The following TUSC3 variants were observed in gnomAD, a reference collection of about 807,000 sequenced individuals.
TUSC3 encodes the protein dolichyl-diphosphooligosaccharide--protein glycosyltransferase subunit TUSC3.
TUSC3 carries 45 observed loss-of-function variants against 44.8 expected under a neutral mutation model. That is an observed-to-expected ratio of 1.00 (90% CI 0.79 to 1.29). The LOEUF is 1.29. Ranked by LOEUF, TUSC3 falls within the 50% of genes most tolerant of loss-of-function variation. The pLI is 0.00. For missense variants in TUSC3, 519 were observed against 437.9 expected (o/e 1.19, Z -1.65); for synonymous variants, 212 against 152.9 (o/e 1.39, Z -2.85).
At chr8:15,540,592 C>A (rs1801649420) in intron 1 of TUSC3, 24 bp downstream of exon 1, 2 of 1,528,122 alleles carry the variant, frequency 1.3e-6, no homozygotes, top group Non-Finnish European at 1.8e-6. Flanking sequence ...CCTTGGCCTT[C>A]CCCTGTGGGC....
intron 6 of TUSC3, among the ~76,000 whole-genome samples, chr8:15,713,662 C>T (rs576966835): frequency 6.6e-6 from 1 of 152,012 alleles, no homozygotes; most frequent in African/African-American, 2.4e-5. Context: ...TCCTCCCTCA[C>T]TCTTCCCATG....
chr8:15,626,762 T>C (rs568772451), intron 2 of TUSC3, among the ~76,000 whole-genome samples: 2 of 152,332 alleles, frequency 1.3e-5, no homozygotes, highest in East Asian at 3.9e-4. Context: ...AGAGCTGACA[T>C]GCCAGCCCCC....
intron 1 of TUSC3, among the ~76,000 whole-genome samples, chr8:15,592,123 C>T (rs1803868425): frequency 6.6e-6 from 1 of 152,158 alleles, no homozygotes. Flanking sequence ...AAGGTAATGG[C>T]AGATACTTCC....
At chr8:15,478,933 G>C (rs1006897883) in intron 1 of TUSC3, among the ~76,000 whole-genome samples, 1 of 151,806 alleles carries the variant, frequency 6.6e-6, no homozygotes, top group Non-Finnish European at 1.5e-5. Context: ...CCACAGCCTC[G>C]CCAGCAACTG....
At chr8:15,851,413 T>C in the TUSC3 span, among the ~76,000 whole-genome samples, 2 of 152,174 alleles carry the variant, frequency 1.3e-5, no homozygotes, top group South Asian at 2.1e-4. Context: ...CAAATATTTA[T>C]TGAGCAACTT....
chr8:15,446,320 C>G (rs1282185492), intron 1 of TUSC3, among the ~76,000 whole-genome samples: 1 of 151,960 alleles, frequency 6.6e-6, no homozygotes, highest in Non-Finnish European at 1.5e-5. Context: ...ACTTCCCAGA[C>G]GGGGTGGCGG....
At chr8:15,498,713 C>T (rs554702141) in intron 2 of TUSC3, among the ~76,000 whole-genome samples, 6 of 152,118 alleles carry the variant, frequency 3.9e-5, no homozygotes, top group Admixed American at 1.3e-4. Flanking sequence ...CTGGTTTGTT[C>T]GAATGCATTC....
At chr8:15,531,036 C>G (rs1236942500) in intron 2 of TUSC3, among the ~76,000 whole-genome samples, 1 of 152,118 alleles carries the variant, frequency 6.6e-6, no homozygotes, top group Non-Finnish European at 1.5e-5. Context: ...GTGTATAACT[C>G]CAGTAAACAC....
intron 1 of TUSC3, among the ~76,000 whole-genome samples, chr8:15,566,465 T>G (rs889537949): frequency 2.0e-5 from 3 of 152,146 alleles, no homozygotes; most frequent in African/African-American, 7.2e-5. Flanking sequence ...TTAAAGATTT[T>G]TGTCACATGG....
downstream of TUSC3, among the ~76,000 whole-genome samples, chr8:15,766,880 T>C (rs1320535679): frequency 1.3e-5 from 2 of 152,090 alleles, no homozygotes; most frequent in East Asian, 1.9e-4. Flanking sequence ...ACATTAAACA[T>C]TGTGTTTTAA....
the TUSC3 span, among the ~76,000 whole-genome samples, chr8:15,850,385 A>G: frequency 5.9e-4 from 90 of 152,266 alleles, no homozygotes; most frequent in Admixed American, 5.4e-3. Context: ...GGCTATTCCA[A>G]TTTAGTTATA....
At chr8:15,459,585 G>A (rs1800312818) in intron 1 of TUSC3, among the ~76,000 whole-genome samples, 1 of 152,010 alleles carries the variant, frequency 6.6e-6, no homozygotes, top group Non-Finnish European at 1.5e-5. Context: ...AGTATACACT[G>A]CACCCTATTT....
At chr8:15,436,313 C>T (rs560207837) in intron 1 of TUSC3, among the ~76,000 whole-genome samples, 6 of 152,330 alleles carry the variant, frequency 3.9e-5, no homozygotes, top group Admixed American at 2.0e-4. Context: ...CGTGGACTTA[C>T]ATCAATGGCA....
intron 2 of TUSC3, among the ~76,000 whole-genome samples, chr8:15,643,164 C>A (rs1294640282): frequency 6.6e-6 from 1 of 152,100 alleles, no homozygotes; most frequent in African/African-American, 2.4e-5. Context: ...TGCCTTGCTT[C>A]CCTTTTGCCT....
intron 2 of TUSC3, among the ~76,000 whole-genome samples, chr8:15,527,005 A>T (rs1466564955): frequency 2.0e-5 from 3 of 152,234 alleles, no homozygotes; most frequent in East Asian, 3.8e-4. Flanking sequence ...TTGTGAATTC[A>T]TAGCAAAGTA....
chr8:15,418,582 C>T (rs552865218), intron 1 of TUSC3, among the ~76,000 whole-genome samples: 18 of 152,140 alleles, frequency 1.2e-4, no homozygotes, highest in Non-Finnish European at 2.1e-4. Flanking sequence ...GTTATAAAAT[C>T]GGCAGCAAAA....
chr8:15,659,384 G>A, intron 3 of TUSC3, 123 bp from the exon 4 acceptor site: 1 of 1,283,416 alleles, frequency 7.8e-7, no homozygotes, highest in Non-Finnish European at 1.1e-6. Context: ...ATTTACCTCT[G>A]GAAAACCACT....
intron 1 of TUSC3, among the ~76,000 whole-genome samples, chr8:15,554,415 T>C (rs896538425): frequency 6.6e-6 from 1 of 151,590 alleles, no homozygotes; most frequent in Non-Finnish European, 1.5e-5. Context: ...ATGTTTGAGA[T>C]GGTAGATGCT....
chr8:15,607,289 GC>G (rs1224089829), intron 1 of TUSC3, among the ~76,000 whole-genome samples: 3 of 152,050 alleles, frequency 2.0e-5, no homozygotes, highest in Non-Finnish European at 4.4e-5. Flanking sequence ...TGGTCACTGG[GC>G]ATACAGTGAT....
Sources: gnomAD v4.1 joint callset for allele counts (sites outside exome capture counted in the v4.1 genomes callset) on GRCh38, gnomAD v4.1.1 for gene constraint, MANE v1.5 for transcripts, NCBI Gene and HGNC (gene_info 2026-07-23, HGNC 2026-07-21) for gene names.